IFFO1: variants seen among roughly 807,000 people sequenced by gnomAD.
IFFO1 encodes intermediate filament family orphan 1.
In IFFO1, 42 loss-of-function variants were observed where a neutral mutation model predicts 59.6. The ratio of observed to expected loss-of-function variants is 0.70; its 90% CI spans 0.55 to 0.91. The LOEUF (loss-of-function observed/expected upper bound fraction) is 0.91. Among genes scored for constraint, IFFO1 ranks in the 40% least tolerant of loss-of-function variants. The probability of loss-of-function intolerance (pLI) is 0.00; values close to 1 mark genes in which losing one functional copy is unlikely to be tolerated. For missense variants in IFFO1, 711 were observed against 793.2 expected, an observed-to-expected ratio of 0.90 and a Z score of 1.24; for synonymous variants, 336 against 342.8, an observed-to-expected ratio of 0.98 and a Z score of 0.22.
intron 1 of IFFO1, among the ~76,000 whole-genome samples, chr12:6,553,757 G>C (rs1947330205): frequency 6.6e-6 from 1 of 152,218 alleles, no homozygotes; most frequent in Non-Finnish European, 1.5e-5. Context: ...GGATGACAGA[G>C]CAAGTCCCTG....
chr12:6,539,221 G>A (rs1946582240), downstream of IFFO1: 1 of 152,280 alleles, frequency 6.6e-6, no homozygotes, highest in African/African-American at 2.4e-5. Flanking sequence ...GGAGGCCAAG[G>A]TGGGTGTATC....
In IFFO1 at chr12:6,541,010, T is replaced by G. The variant is rs1592197119; in HGVS notation, c.1611-422A>C. Among the ~76,000 whole-genome samples, 2 of 131,828 alleles carry G rather than the reference T, an allele frequency of 1.5e-5. No individual in the cohort carries two copies. Among genetic ancestry groups the G allele is most frequent in the African/African-American group, 6.2e-5 (2 of 32,042 alleles). The allele number at this position is 131,828 out of a possible 152,430, so 86.5% of individuals were successfully genotyped here. A position where few individuals can be genotyped will look rare whatever the true frequency, so the allele number is the denominator to read the frequency against. ...ATCACTTGAACCTGGGAGGCGGAGG[T>G]TGTAGTGAGCCAAAAAAAAAAAAAA... On this transcript the variant is annotated intron_variant, in intron 9 of 9. Transcript: ENST00000619571. The surrounding 1 kb of genome is among the most constrained non-coding windows in gnomAD (Gnocchi z 4.8).
At chr12:6,540,657 C>G in intron 9 of IFFO1, 69 bp from the exon 10 acceptor site, 1 of 1,298,964 alleles carries the variant, frequency 7.7e-7, no homozygotes, top group Non-Finnish European at 1.1e-6. Context: ...CACTCCTCCT[C>G]CTGCTGCCTC....
In IFFO1 at chr12:6,549,667, G is replaced by C; in HGVS notation, c.1071+89C>G. On this transcript the variant is annotated intron_variant, in intron 4 of 9. Coordinates refer to ENST00000619571, the MANE Select transcript of IFFO1 (RefSeq NM_001193457.2). This position sits in a 1 kb window ranked among gnomAD's most constrained non-coding sequence, Gnocchi z 5.0. ...TTGCCAGGTAAGGCTCCCCAAGCAG[G>C]AGGCAGGGCCTGCGTTCCAGGCCAG... 6.5e-7 allele frequency: 1 copy of C among 1,532,040 alleles called. No homozygotes were observed. Among genetic ancestry groups the C allele is most frequent in the Non-Finnish European group, 8.9e-7 (1 of 1,123,192 alleles). 94.9% of individuals were successfully genotyped at this position (1,532,040 alleles called of 1,614,324 possible).
intron 8 of IFFO1, chr12:6,543,379 ACAGCTGCTCCCCATCAC>A (rs1946807043): frequency 6.6e-6 from 1 of 152,246 alleles, no homozygotes; most frequent in South Asian, 2.1e-4. Flanking sequence ...ATCTGTATTT[ACAGCTGCTCCCCATCAC>A]TGGCATTACA....
rs1947132811 is a variant in IFFO1 at position 6,549,396 on chromosome 12, C to T, written c.1080+80G>A. 6.5e-7 allele frequency: 1 copy of T among 1,542,222 alleles called. No homozygotes were observed. Among genetic ancestry groups the T allele is most frequent in the Non-Finnish European group, 8.9e-7 (1 of 1,119,152 alleles). On this transcript the variant is annotated intron_variant, in intron 5 of 9. Coordinates refer to ENST00000619571, the MANE Select transcript of IFFO1 (RefSeq NM_001193457.2). This position sits in a 1 kb window ranked among gnomAD's most constrained non-coding sequence, Gnocchi z 5.0. ...ATCCGTGCTCAAGAGCCCAGCGGGC[C>T]CAAACTGAGGGCCAGGAGGCCTAGG...
rs1432898989 is a variant in IFFO1, at chr12:6,548,059, C to T, written c.1479+6G>A. 2.0e-5 allele frequency: 33 copies of T among 1,610,920 alleles called. No individual in the cohort carries two copies. In the East Asian group the frequency reaches 4.5e-4, roughly 22 times the overall value. ...CCACGCCCCTGGCTTCCGCTCCTGC[C>T]CTTACCTCTATCTGGTCAATGGTCT... On this transcript the variant is annotated splice_donor_region_variant and intron_variant, in intron 8 of 9. Transcript: ENST00000619571. This position sits in a 1 kb window ranked among gnomAD's most constrained non-coding sequence, Gnocchi z 6.1.
chr12:6,550,604 C>T lies in IFFO1; in HGVS notation c.930+91G>A, dbSNP rs370584120. On this transcript the variant is annotated intron_variant, in intron 3 of 9. Transcript: ENST00000619571. ...CAAAGAGAAGGGGAGGAGCCGTGGA[C>T]GGGAGGCCAACAGGCCAACACTAGA... 2.5e-5 allele frequency: 23 copies of T among 902,130 alleles called. No individual in the cohort carries two copies. The Middle Eastern group carries it at 6.5e-4, about 25-fold the overall frequency. The allele number at this position is 902,130 out of a possible 1,614,324, so 55.9% of individuals were successfully genotyped here.
rs187928316 is a variant in IFFO1 at position 6,548,001 on chromosome 12, C to T, written c.1479+64G>A. ...TCCTGCAGCAGGGATGAGGCCACTG[C>T]GCCTGCAGCCCCACTCAAAACCCTC... On this transcript the variant is annotated intron_variant, in intron 8 of 9. Transcript: ENST00000619571. The surrounding 1 kb of genome is among the most constrained non-coding windows in gnomAD (Gnocchi z 6.1). 325 of 1,205,150 alleles carry T rather than the reference C, an allele frequency of 2.7e-4. No individual in the cohort carries two copies. The highest frequency in any genetic ancestry group is 1.3e-3 in the African/African-American group (90 of 66,796). The allele number at this position is 1,205,150 out of a possible 1,614,324, so 74.7% of individuals were successfully genotyped here.
intron 8 of IFFO1, among the ~76,000 whole-genome samples, chr12:6,546,296 GACT>G (rs1194362012): frequency 6.6e-6 from 1 of 152,208 alleles, no homozygotes; most frequent in Non-Finnish European, 1.5e-5. Context: ...GATAAGGGGG[GACT>G]ACGTATGAAT....
rs995807811 is a variant in IFFO1, at chr12:6,549,250, C to T, written c.1080+226G>A. 63 of 626,268 alleles carry T rather than the reference C, an allele frequency of 1.0e-4. No individual in the cohort carries two copies. In the South Asian group the frequency reaches 1.2e-3, roughly 12 times the overall value. The allele number at this position is 626,268 out of a possible 1,614,324, so 38.8% of individuals were successfully genotyped here. On this transcript the variant is annotated intron_variant, in intron 5 of 9. Transcript: ENST00000619571. This position sits in a 1 kb window ranked among gnomAD's most constrained non-coding sequence, Gnocchi z 5.0. Reference sequence around the variant, plus strand: ...AGTGTGCAATGTGTACAAAAGAGAACCTGAATCACATCCAGATCTGGAAAG... The same window carrying T: ...AGTGTGCAATGTGTACAAAAGAGAATCTGAATCACATCCAGATCTGGAAAG...
At chr12:6,550,495 C>T (rs1441490334) in intron 3 of IFFO1, 200 bp downstream of exon 3, 2 of 582,814 alleles carry the variant, frequency 3.4e-6, no homozygotes, top group East Asian at 2.8e-5. Flanking sequence ...AGAAGCTGCG[C>T]CACCTCTGTG....
chr12:6,551,405 C>T (rs1383904331), intron 1 of IFFO1: 7 of 1,302,544 alleles, frequency 5.4e-6, no homozygotes, highest in African/African-American at 3.0e-5. Flanking sequence ...CACCTTCAGT[C>T]GCACAGATCC....
At chr12:6,551,756 A>C (rs1177254095) in intron 1 of IFFO1, 1 of 344,830 alleles carries the variant, frequency 2.9e-6, no homozygotes, top group Non-Finnish European at 5.7e-6. Flanking sequence ...CCCGGTGAGT[A>C]CGGCAAATGA....
Position 6,549,578 on chromosome 12 carries a change from G to T in IFFO1, c.1072-94C>A. On this transcript the variant is annotated intron_variant, in intron 4 of 9. Transcript: ENST00000619571. This position sits in a 1 kb window ranked among gnomAD's most constrained non-coding sequence, Gnocchi z 5.0. ...GAAGGGAGAGACGGCGTTAGAGACA[G>T]CTTCCACGATGCCCCTCCTGATGCT... The T allele has an allele frequency of 7.5e-7, 1 of 1,339,148 alleles. No individual in the cohort carries two copies. Among genetic ancestry groups the T allele is most frequent in the Non-Finnish European group, 1.1e-6 (1 of 934,394 alleles). 83.0% of individuals were successfully genotyped at this position (1,339,148 alleles called of 1,614,324 possible).
intron 8 of IFFO1, among the ~76,000 whole-genome samples, chr12:6,546,664 T>C (rs1243580841): frequency 6.6e-6 from 1 of 150,670 alleles, no homozygotes; most frequent in African/African-American, 2.4e-5. Flanking sequence ...TTTTTTTTTG[T>C]ATTTTTCGTA....
chr12:6,555,925 T>TC lies in IFFO1; in HGVS notation c.104dup (p.Gly36ArgfsTer34). ...AGAGAGGCGCCGGGGGCAAGTCTCC[T>TC]CCCCCGGCGAAGTGGTCGCCTCCCA... On this transcript the variant is annotated frameshift_variant, in exon 1 of 10. Transcript: ENST00000619571. LOFTEE classifies it high-confidence loss of function. The surrounding 1 kb of genome is among the most constrained non-coding windows in gnomAD (Gnocchi z 8.6). 6.5e-7 allele frequency: 1 copy of TC among 1,549,952 alleles called. No homozygotes were observed. Among genetic ancestry groups the TC allele is most frequent in the Non-Finnish European group, 8.7e-7 (1 of 1,153,098 alleles).
rs1947072705 is a variant in IFFO1 at position 6,548,484 on chromosome 12, G to A, written c.1324C>T (p.Leu442=). The change falls in exon 7 of 10, where the codon CTG becomes TTG. Residue 442 remains leucine (L), a synonymous_variant. Transcript: ENST00000619571. The surrounding 1 kb of genome is among the most constrained non-coding windows in gnomAD (Gnocchi z 6.1). ...CCTGAGAAATCCTCCCAAAGCAGCAGGGTCTCCTCAGTCTCCTCCCAAGTC... is the reference window on the plus strand; with the variant it reads ...CCTGAGAAATCCTCCCAAAGCAGCAAGGTCTCCTCAGTCTCCTCCCAAGTC... ...SLTWEETEET[L]LLWEDFSGYA... 9 of 1,613,924 alleles carry A rather than the reference G, an allele frequency of 5.6e-6. No individual in the cohort carries two copies. The highest frequency in any genetic ancestry group is 6.8e-6 in the Non-Finnish European group (8 of 1,179,958).
In IFFO1 at chr12:6,549,189, C is replaced by CG; in HGVS notation, c.1080+286_1080+287insC. The CG allele has an allele frequency of 4.4e-6, 2 of 453,056 alleles. No homozygotes were observed. Among genetic ancestry groups the CG allele is most frequent in the Non-Finnish European group, 3.8e-6 (1 of 261,252 alleles). 28.1% of individuals were successfully genotyped at this position (453,056 alleles called of 1,614,324 possible). A position where few individuals can be genotyped will look rare whatever the true frequency, so the allele number is the denominator to read the frequency against. Reference sequence around the variant, plus strand: ...AAGTCTTTTTGATTAAATGACTCAACTAAAAAAAAAAAAGCTTTAGGACGC... The same window carrying CG: ...AAGTCTTTTTGATTAAATGACTCAACGTAAAAAAAAAAAAGCTTTAGGACGC... On this transcript the variant is annotated intron_variant, in intron 5 of 9. Transcript: ENST00000619571. This position sits in a 1 kb window ranked among gnomAD's most constrained non-coding sequence, Gnocchi z 5.0.
Sources: allele counts gnomAD v4.1 joint callset (sites outside exome capture counted in the v4.1 genomes callset), GRCh38; gene constraint gnomAD v4.1.1; non-coding constraint Gnocchi (gnomAD v3.1); transcripts MANE v1.5; gene names NCBI Gene and HGNC (gene_info 2026-07-23, HGNC 2026-07-21).